PHEX: variants seen among roughly 807,000 people sequenced by gnomAD.
PHEX encodes phosphate regulating endopeptidase X-linked, also known as phosphate-regulating neutral endopeptidase PHEX.
In PHEX, 16 loss-of-function variants were observed where a neutral mutation model predicts 68.0. The ratio of observed to expected loss-of-function variants is 0.24; its 90% CI spans 0.16 to 0.36. PHEX has a LOEUF of 0.36. PHEX is among the 10% of genes least tolerant of loss of function. The pLI is 1.00. For synonymous variants in PHEX, 208 were observed against 205.1 expected (o/e 1.01, Z -0.12); for missense variants, 480 against 575.5 (o/e 0.83, Z 1.70).
intron 16 of PHEX, among the ~76,000 whole-genome samples, chrX:22,213,692 T>C (rs1367268785): frequency 1.8e-5 from 2 of 112,416 alleles, no homozygotes; most frequent in Non-Finnish European, 3.8e-5. Context: ...ATATACTTTT[T>C]ACTTTTGTGT....
At chrX:22,051,414 C>G (rs1262696492) in intron 3 of PHEX, among the ~76,000 whole-genome samples, 1 of 110,572 alleles carries the variant, frequency 9.0e-6, no homozygotes, top group Admixed American at 9.7e-5. Flanking sequence ...GCCTGTAATC[C>G]CAGCTACTTA....
At chrX:22,226,861 C>A (rs1290528307) in intron 19 of PHEX, among the ~76,000 whole-genome samples, 1 of 111,187 alleles carries the variant, frequency 9.0e-6, no homozygotes, top group Non-Finnish European at 1.9e-5. Context: ...TTTCTGTAGT[C>A]CTCCTATAAA....
At chrX:22,115,573 C>T (rs1931199535) in intron 11 of PHEX, among the ~76,000 whole-genome samples, 2 of 111,746 alleles carry the variant, frequency 1.8e-5, no homozygotes, top group African/African-American at 6.5e-5. Context: ...GAAGTTTGTA[C>T]CCTTTGATCA....
rs778616699 is a variant in PHEX at position 22,111,505 on chromosome X, C to T, written c.1118C>T (p.Ser373Phe). 1 of 1,209,953 alleles carries T rather than the reference C, an allele frequency of 8.3e-7. No individual in the cohort carries two copies. The highest frequency in any genetic ancestry group is 1.1e-6 in the Non-Finnish European group (1 of 893,670). Residue 373 changes from serine to phenylalanine, a missense_variant, in exon 10 of 22, where the codon TCC (serine) becomes TTC (phenylalanine). Ser to Phe is a radical substitution (Grantham distance 155). Coordinates refer to ENST00000379374, the MANE Select transcript of PHEX (RefSeq NM_000444.6). ...TATTTGGTGTGGAGAATGGTTTATT[C>T]CAGAATTCCAAACCTTAGCAGGCGC... ...ANYLVWRMVY[S>F]RIPNLSRRFQ...
In PHEX at chrX:22,066,704, C is replaced by T. The variant is rs953998997; in HGVS notation, c.350-9684C>T. On this transcript the variant is annotated intron_variant, in intron 3 of 21. Transcript: ENST00000379374. ...CCAGTTCTGGAGGAGCAGTCTCCCT[C>T]GACCACACATTGTGGTTTGAACAGC... Among the ~76,000 whole-genome samples, 5 of 111,980 alleles carry T rather than the reference C, an allele frequency of 4.5e-5. 1 individual carries two copies. Among genetic ancestry groups the T allele is most frequent in the Admixed American group, 1.9e-4 (2 of 10,603 alleles).
chrX:22,041,265 C>CTCTCTCTCTCTCTATATATA (rs1468778300), intron 2 of PHEX, among the ~76,000 whole-genome samples: 1 of 72,819 alleles, frequency 1.4e-5, no homozygotes, highest in African/African-American at 6.3e-5. Context: ...CTCTCTCTCT[C>CTCTCTCTCTCTCTATATATA]TATATATATA....
intron 3 of PHEX, among the ~76,000 whole-genome samples, chrX:22,075,159 T>A (rs1377113024): frequency 9.1e-6 from 1 of 110,073 alleles, no homozygotes; most frequent in Non-Finnish European, 1.9e-5. Context: ...CCAAACAAGC[T>A]GAAATAATTG....
intron 18 of PHEX, among the ~76,000 whole-genome samples, chrX:22,224,026 A>T (rs1437697810): frequency 8.9e-6 from 1 of 112,437 alleles, no homozygotes; most frequent in Non-Finnish European, 1.9e-5. Context: ...TGAGTCACCC[A>T]GGCTGGAGTG....
At chrX:22,171,673 C>G (rs1933537697) in intron 13 of PHEX, 1 of 110,860 alleles carries the variant, frequency 9.0e-6, no homozygotes, top group African/African-American at 3.3e-5. Context: ...AAAACCCACC[C>G]TAAAAATAGG....
chrX:22,170,410 C>T (rs1933483000), intron 13 of PHEX, among the ~76,000 whole-genome samples: 1 of 111,249 alleles, frequency 9.0e-6, no homozygotes, highest in Non-Finnish European at 1.9e-5. Flanking sequence ...CCATGTACCA[C>T]CTTGTTACCT....
At chrX:22,238,012 A>G (rs780918911) in intron 20 of PHEX, among the ~76,000 whole-genome samples, 5 of 112,638 alleles carry the variant, frequency 4.4e-5, no homozygotes, top group African/African-American at 6.4e-5. Flanking sequence ...TGGGCCGGGC[A>G]TGGCCTGTAA....
chrX:22,052,323 G>T (rs1927873415), intron 3 of PHEX, among the ~76,000 whole-genome samples: 1 of 112,215 alleles, frequency 8.9e-6, no homozygotes, highest in Non-Finnish European at 1.9e-5. Context: ...TGCCTTTTGG[G>T]TTCAAGTGTT....
chrX:22,075,412 T>C (rs1220315887), intron 3 of PHEX, among the ~76,000 whole-genome samples: 3 of 108,519 alleles, frequency 2.8e-5, no homozygotes, highest in African/African-American at 1.0e-4. Context: ...CTATTCAGAG[T>C]ATTATAGGAA....
intron 18 of PHEX, among the ~76,000 whole-genome samples, chrX:22,224,347 T>C (rs1307602143): frequency 5.4e-5 from 6 of 111,690 alleles, no homozygotes; most frequent in African/African-American, 2.0e-4. Flanking sequence ...GGGAAACCTA[T>C]TGGTTTCAGG....
At chrX:22,236,777 G>A (rs1441373718) in intron 20 of PHEX, among the ~76,000 whole-genome samples, 2 of 95,561 alleles carry the variant, frequency 2.1e-5, no homozygotes, top group Non-Finnish European at 4.2e-5. Context: ...CTGCTCTAGA[G>A]GACAAAGTAT....
At chrX:22,143,059 C>T (rs1932535030) in intron 12 of PHEX, among the ~76,000 whole-genome samples, 1 of 112,383 alleles carries the variant, frequency 8.9e-6, no homozygotes, top group Non-Finnish European at 1.9e-5. Context: ...TTTCTGCCAG[C>T]TCTCAAATTT....
intron 12 of PHEX, among the ~76,000 whole-genome samples, chrX:22,157,987 C>T (rs890544265): frequency 1.8e-5 from 2 of 111,766 alleles, no homozygotes; most frequent in African/African-American, 6.5e-5. Flanking sequence ...TTTGAAGACT[C>T]ATAATAAATC....
chrX:22,228,876 T>C (rs901766243), intron 20 of PHEX, among the ~76,000 whole-genome samples: 2 of 111,425 alleles, frequency 1.8e-5, no homozygotes, highest in African/African-American at 3.3e-5. Flanking sequence ...ATAGCTCTTC[T>C]AGCCCCCAAC....
chrX:22,111,086 T>C (rs1001455108), intron 9 of PHEX, among the ~76,000 whole-genome samples: 3 of 112,557 alleles, frequency 2.7e-5, no homozygotes, highest in African/African-American at 9.7e-5. Context: ...CCTTATCAAC[T>C]GTATAACAAA....
Sources: gnomAD v4.1 joint callset for allele counts (sites outside exome capture counted in the v4.1 genomes callset) on GRCh38, gnomAD v4.1.1 for gene constraint, MANE v1.5 for transcripts, NCBI Gene and HGNC (gene_info 2026-07-23, HGNC 2026-07-21) for gene names.